RFX3: variants seen among roughly 807,000 people sequenced by gnomAD.
RFX3 encodes the protein regulatory factor X3.
Under a neutral mutation model 98.6 loss-of-function variants are expected in RFX3, and 14 were observed. That is an observed-to-expected ratio of 0.14 (90% CI 0.09 to 0.22). RFX3 has a LOEUF of 0.22. Among genes scored for constraint, RFX3 ranks in the 10% least tolerant of loss-of-function variants. The pLI is 1.00. For missense variants in RFX3, 639 were observed against 926.9 expected, an observed-to-expected ratio of 0.69 and a Z score of 4.03; for synonymous variants, 383 against 328.4, an observed-to-expected ratio of 1.17 and a Z score of -1.80.
At chr9:3,270,565 G>C in intron 10 of RFX3, 40 bp from the exon 11 acceptor site, 2 of 1,587,426 alleles carry the variant, frequency 1.3e-6, no homozygotes. Context: ...GATGGCAAAT[G>C]AGGATAAAAA....
At chr9:3,413,713 A>G (rs1052572632) in intron 1 of RFX3, among the ~76,000 whole-genome samples, 6 of 152,174 alleles carry the variant, frequency 3.9e-5, no homozygotes, top group South Asian at 4.1e-4. Flanking sequence ...CCTTTTGAGT[A>G]GAGACAGTTG....
At chr9:3,320,404 G>A (rs369988479) in intron 4 of RFX3, among the ~76,000 whole-genome samples, 443 of 151,734 alleles carry the variant, frequency 2.9e-3, no homozygotes, top group African/African-American at 9.5e-3. Context: ...AATTACAAAA[G>A]CTAGCCGGGT....
chr9:3,323,587 A>G (rs1008256073), intron 4 of RFX3, among the ~76,000 whole-genome samples: 4 of 152,198 alleles, frequency 2.6e-5, no homozygotes, highest in Admixed American at 6.5e-5. Flanking sequence ...ATTTATAAGT[A>G]GAATTTATGA....
In RFX3 at chr9:3,396,150, T is replaced by C. The variant is rs374996649; in HGVS notation, c.-8-554A>G. On this transcript the variant is annotated intron_variant, in intron 1 of 16. Coordinates refer to ENST00000617270, the MANE Select transcript of RFX3 (RefSeq NM_001282116.2). Reference sequence around the variant, plus strand: ...GTGTGCTATACCCATTAACTCGTCATTTAACATTAGGTATATCTCCTAATG... The same window carrying C: ...GTGTGCTATACCCATTAACTCGTCACTTAACATTAGGTATATCTCCTAATG... Among the ~76,000 whole-genome samples the C allele has an allele frequency of 2.9e-3, 446 of 152,222 alleles. 3 individuals carry two copies. The highest frequency in any genetic ancestry group is 4.5e-3 in the Non-Finnish European group (305 of 68,020).
intron 11 of RFX3, among the ~76,000 whole-genome samples, chr9:3,270,133 A>AAGAAAGGAAAG (rs1824234752): frequency 6.6e-6 from 1 of 151,908 alleles, no homozygotes; most frequent in African/African-American, 2.4e-5. Flanking sequence ...AAAGGAAAGA[A>AAGAAAGGAAAG]AGAAAGAAAA....
At chr9:3,291,624 T>C (rs949182878) in intron 6 of RFX3, among the ~76,000 whole-genome samples, 1 of 152,132 alleles carries the variant, frequency 6.6e-6, no homozygotes, top group Non-Finnish European at 1.5e-5. Context: ...GTAAAACTTA[T>C]ATTAAACAAA....
At chr9:3,451,833 GTTT>G (rs369638471) in intron 1 of RFX3, among the ~76,000 whole-genome samples, 3 of 139,246 alleles carry the variant, frequency 2.2e-5, no homozygotes, top group Non-Finnish European at 4.7e-5. Flanking sequence ...TATTTTAAAA[GTTT>G]TTTTTTTTTT....
At chr9:3,385,497 G>C (rs1389863120) in intron 2 of RFX3, among the ~76,000 whole-genome samples, 1 of 151,780 alleles carries the variant, frequency 6.6e-6, no homozygotes, top group Non-Finnish European at 1.5e-5. Flanking sequence ...GATCACCTAA[G>C]GTGAGTTCAA....
intron 1 of RFX3, among the ~76,000 whole-genome samples, chr9:3,465,705 T>C (rs1848150411): frequency 6.6e-6 from 1 of 151,964 alleles, no homozygotes; most frequent in Non-Finnish European, 1.5e-5. Flanking sequence ...GTTTACAGTA[T>C]ACAAAGAAGA....
At chr9:3,512,205 G>C (rs1264555649) in intron 1 of RFX3, among the ~76,000 whole-genome samples, 2 of 151,860 alleles carry the variant, frequency 1.3e-5, no homozygotes, top group African/African-American at 2.4e-5. Context: ...TCTGTTGTTA[G>C]CATAAGATTT....
intron 15 of RFX3, among the ~76,000 whole-genome samples, chr9:3,243,349 A>G (rs1168165873): frequency 1.3e-5 from 2 of 151,188 alleles, no homozygotes; most frequent in South Asian, 4.2e-4. Context: ...AAAACTCTAG[A>G]ATTGCATATG....
intron 1 of RFX3, among the ~76,000 whole-genome samples, chr9:3,405,346 A>G (rs936537451): frequency 6.6e-6 from 1 of 152,284 alleles, no homozygotes; most frequent in African/African-American, 2.4e-5. Context: ...ATAATTCCCA[A>G]ATCTGTAACT....
At chr9:3,253,178 T>C (rs1441695835) in intron 14 of RFX3, among the ~76,000 whole-genome samples, 1 of 152,222 alleles carries the variant, frequency 6.6e-6, no homozygotes, top group Non-Finnish European at 1.5e-5. Context: ...GCGTGGAAAT[T>C]GAAATATATG....
chr9:3,303,954 T>C (rs1260742144), intron 4 of RFX3, among the ~76,000 whole-genome samples: 2 of 152,022 alleles, frequency 1.3e-5, no homozygotes, highest in African/African-American at 4.8e-5. Flanking sequence ...TCTGCCTAAC[T>C]GACTTAGGCC....
chr9:3,372,471 T>C (rs1007673003), intron 2 of RFX3, among the ~76,000 whole-genome samples: 1 of 152,164 alleles, frequency 6.6e-6, no homozygotes. Flanking sequence ...AGTCTGCTTC[T>C]TTAGTACCCA....
rs1007776293 is a variant in RFX3 at position 3,221,329 on chromosome 9, G to A, written c.*3713C>T. 6 of 151,982 alleles carry A rather than the reference G, an allele frequency of 3.9e-5. No homozygotes were observed. The highest frequency in any genetic ancestry group is 4.2e-4 in the South Asian group (2 of 4,806). The allele number at this position is 151,982 out of a possible 1,614,324, so 9.4% of individuals were successfully genotyped here. On this transcript the variant is annotated 3_prime_UTR_variant, in exon 17 of 17. Transcript: ENST00000617270. ...TTCATATAAAAAGATTCATGATTACGGCACTAAAACCGTATTCATTCCTGA... is the reference window on the plus strand; with the variant it reads ...TTCATATAAAAAGATTCATGATTACAGCACTAAAACCGTATTCATTCCTGA...
intron 1 of RFX3, among the ~76,000 whole-genome samples, chr9:3,420,290 A>G (rs1291969385): frequency 6.6e-6 from 1 of 152,198 alleles, no homozygotes; most frequent in Non-Finnish European, 1.5e-5. Context: ...TCTACGGTTC[A>G]TGAAACCAAA....
chr9:3,357,794 A>G (rs1324322111), intron 2 of RFX3, among the ~76,000 whole-genome samples: 1 of 152,106 alleles, frequency 6.6e-6, no homozygotes, highest in Non-Finnish European at 1.5e-5. Flanking sequence ...TGGATATCCC[A>G]ACTACACTGA....
chr9:3,353,528 G>A (rs1454205074), intron 2 of RFX3, among the ~76,000 whole-genome samples: 1 of 151,958 alleles, frequency 6.6e-6, no homozygotes, highest in African/African-American at 2.4e-5. Flanking sequence ...ATTACCCATA[G>A]TGGTAAGACT....
Sources: allele counts gnomAD v4.1 joint callset (sites outside exome capture counted in the v4.1 genomes callset), GRCh38; gene constraint gnomAD v4.1.1; transcripts MANE v1.5; gene names NCBI Gene and HGNC (gene_info 2026-07-23, HGNC 2026-07-21).